The following JAKMIP2 variants were observed in gnomAD, a reference collection of about 807,000 sequenced individuals.
The protein encoded by JAKMIP2 is janus kinase and microtubule interacting protein 2.
In JAKMIP2, 25 loss-of-function variants were observed where a neutral mutation model predicts 115.0. The observed-to-expected ratio is 0.22, with a 90% CI of 0.16 to 0.30. The LOEUF (loss-of-function observed/expected upper bound fraction) is 0.30, where lower values mean the gene tolerates loss of function less well. Ranked by LOEUF, JAKMIP2 falls within the 10% of genes least tolerant of loss-of-function variation. The probability of loss-of-function intolerance (pLI) is 1.00; values close to 1 mark genes in which losing one functional copy is unlikely to be tolerated. For missense variants in JAKMIP2, 642 were observed against 957.6 expected, an observed-to-expected ratio of 0.67 and a Z score of 4.35; for synonymous variants, 334 against 343.6, an observed-to-expected ratio of 0.97 and a Z score of 0.31.
Position 147,670,957 on chromosome 5 carries a change from C to T in JAKMIP2, c.129+721G>A, listed in dbSNP as rs79791402. 7.4e-3 allele frequency among the ~76,000 whole-genome samples: 1,121 copies of T among 152,196 alleles called. 49 individuals are homozygous for T. The East Asian group carries it at 0.13, about 17-fold the overall frequency. On this transcript the variant is annotated intron_variant, in intron 2 of 21. Transcript: ENST00000616793. ...AATGTATGAATTACTATGAAATAAG[C>T]TAAGAATAGGCTATGGGGAGTACCT...
intron 17 of JAKMIP2, 61 bp from the exon 18 acceptor site, chr5:147,620,804 G>T: frequency 8.7e-7 from 1 of 1,151,614 alleles, no homozygotes; most frequent in African/African-American, 1.5e-5. Context: ...ACGTACAAAT[G>T]GTATTGATTA....
intron 1 of JAKMIP2, among the ~76,000 whole-genome samples, chr5:147,692,500 T>C (rs910185750): frequency 2.6e-5 from 4 of 152,248 alleles, no homozygotes; most frequent in Admixed American, 1.3e-4. Flanking sequence ...GTTTTCACAA[T>C]ATCAGCTATT....
rs909293955 is a variant in JAKMIP2, at chr5:147,589,859, G to A, written c.*1848C>T. 1.3e-5 allele frequency: 2 copies of A among 152,122 alleles called. No individual in the cohort carries two copies. Among genetic ancestry groups the A allele is most frequent in the African/African-American group, 4.8e-5 (2 of 41,432 alleles). 9.4% of individuals were successfully genotyped at this position (152,122 alleles called of 1,614,324 possible). On this transcript the variant is annotated 3_prime_UTR_variant, in exon 22 of 22. Transcript: ENST00000616793. Reference sequence around the variant, plus strand: ...TGAAGCACTATTTTATTACATGAGGGAATCTTTTTGTCAACAACACAAGAA... The same window carrying A: ...TGAAGCACTATTTTATTACATGAGGAAATCTTTTTGTCAACAACACAAGAA...
chr5:147,734,147 TG>T (rs1561566592), intron 1 of JAKMIP2, among the ~76,000 whole-genome samples: 1 of 151,872 alleles, frequency 6.6e-6, no homozygotes, highest in African/African-American at 2.4e-5. Context: ...AATAAACATA[TG>T]AAAAAAAGCT....
At chr5:147,776,288 T>C (rs1755553090) in intron 1 of JAKMIP2, among the ~76,000 whole-genome samples, 1 of 152,146 alleles carries the variant, frequency 6.6e-6, no homozygotes, top group South Asian at 2.1e-4. Flanking sequence ...TAATTGGACC[T>C]TGGGGGTGGC....
chr5:147,685,723 A>T (rs1222636329), intron 1 of JAKMIP2, among the ~76,000 whole-genome samples: 1 of 152,214 alleles, frequency 6.6e-6, no homozygotes, highest in East Asian at 1.9e-4. Context: ...CTTCAACATA[A>T]TGTGATGTAA....
In JAKMIP2 at chr5:147,630,595, A is replaced by G. The variant is rs115279474; in HGVS notation, c.1875+818T>C. On this transcript the variant is annotated intron_variant, in intron 14 of 21. Coordinates refer to ENST00000616793, the MANE Select transcript of JAKMIP2 (RefSeq NM_001270941.2). ...ATGTTCTCCTCTTTCTCATGTTCAA[A>G]CAGCAGTATAGTAGAGCCCTACCAC... Among the ~76,000 whole-genome samples the G allele has an allele frequency of 6.2e-3, 949 of 152,226 alleles. 11 individuals carry two copies. The highest frequency in any genetic ancestry group is 0.022 in the African/African-American group (913 of 41,546).
chr5:147,664,064 A>C (rs1240107431), intron 2 of JAKMIP2, among the ~76,000 whole-genome samples: 1 of 152,222 alleles, frequency 6.6e-6, no homozygotes, highest in Non-Finnish European at 1.5e-5. Context: ...GTTTTGGATA[A>C]ATTATTCTAA....
chr5:147,710,426 G>A (rs2126909863), intron 1 of JAKMIP2, among the ~76,000 whole-genome samples: 1 of 152,290 alleles, frequency 6.6e-6, no homozygotes, highest in African/African-American at 2.4e-5. Context: ...ACAGCAAAAT[G>A]TCAGGGAGAA....
Position 147,650,542 on chromosome 5 carries a change from A to G in JAKMIP2, c.633T>C (p.Asp211=). Residue 211 remains aspartate (D), a synonymous_variant, in exon 4 of 22, where the codon GAT becomes GAC. Transcript: ENST00000616793. ...ESERDIRRLM[D]EIKAKDRIIF... ...TGATCCTGTCCTTGGCTTTGATTTC[A>G]TCCATCTGAATTAAATGAGACCCAG... The G allele has an allele frequency of 6.2e-7, 1 of 1,611,100 alleles. No individual in the cohort carries two copies. The highest frequency in any genetic ancestry group is 8.5e-7 in the Non-Finnish European group (1 of 1,178,130).
intron 1 of JAKMIP2, among the ~76,000 whole-genome samples, chr5:147,705,679 G>A (rs2126898104): frequency 6.6e-6 from 1 of 152,262 alleles, no homozygotes; most frequent in Non-Finnish European, 1.5e-5. Flanking sequence ...GTTACTTCCA[G>A]GGCAGAAGTG....
intron 21 of JAKMIP2, chr5:147,595,290 A>G: frequency 3.0e-6 from 1 of 331,434 alleles, no homozygotes; most frequent in South Asian, 2.4e-5. Flanking sequence ...GTGCAAGAGT[A>G]TTAACAGGTG....
At chr5:147,594,885 T>G (rs1755289845) in intron 21 of JAKMIP2, among the ~76,000 whole-genome samples, 1 of 152,132 alleles carries the variant, frequency 6.6e-6, no homozygotes, top group African/African-American at 2.4e-5. Context: ...ATAAAAATCC[T>G]GGTAGGGAAG....
chr5:147,756,903 G>C (rs1754763851), intron 1 of JAKMIP2, among the ~76,000 whole-genome samples: 1 of 152,162 alleles, frequency 6.6e-6, no homozygotes, highest in African/African-American at 2.4e-5. Context: ...TCTGTGTTCT[G>C]TAAACTGTGC....
chr5:147,602,865 G>A (rs1324239942), intron 20 of JAKMIP2, among the ~76,000 whole-genome samples: 2 of 152,144 alleles, frequency 1.3e-5, no homozygotes, highest in African/African-American at 4.8e-5. Context: ...TGCTTATAAG[G>A]TTCTTGCTTC....
At chr5:147,631,697 GAGA>G (rs1389194082) in intron 13 of JAKMIP2, among the ~76,000 whole-genome samples, 186 bp from the exon 14 acceptor site, 3 of 152,186 alleles carry the variant, frequency 2.0e-5, no homozygotes, top group African/African-American at 4.8e-5. Context: ...CTAAGAGATT[GAGA>G]AGAAGAATTT....
At chr5:147,653,001 T>A (rs1758483335) in intron 3 of JAKMIP2, among the ~76,000 whole-genome samples, 1 of 152,152 alleles carries the variant, frequency 6.6e-6, no homozygotes, top group African/African-American at 2.4e-5. Flanking sequence ...GATGATGGCT[T>A]CCAGCTTCAT....
chr5:147,741,004 C>T (rs749908593), intron 1 of JAKMIP2, among the ~76,000 whole-genome samples: 2 of 152,130 alleles, frequency 1.3e-5, no homozygotes, highest in African/African-American at 2.4e-5. Context: ...ACTATCGCCT[C>T]ATATCATATT....
In JAKMIP2 at chr5:147,612,365, G is replaced by A. The variant is rs1381603155; in HGVS notation, c.2353C>T (p.Arg785Cys). 2.6e-6 allele frequency: 4 copies of A among 1,547,508 alleles called. No individual in the cohort carries two copies. The highest frequency in any genetic ancestry group is 3.5e-6 in the Non-Finnish European group (4 of 1,129,644). Residue 785 changes from arginine (R) to cysteine (C), a missense_variant, in exon 20 of 22, where the codon CGT (arginine) becomes TGT (cysteine). Transcript: ENST00000616793. ...ATGTCTGTTTTATCTTCTAAGTCAC[G>A]AATTCTCTGAAGAAAGAAAAGAAAA... is the stretch of plus-strand genomic sequence containing the variant. ...ELLQQAHQRI[R>C]DLEDKTDIQK...
Sources: gnomAD v4.1 joint callset for allele counts (sites outside exome capture counted in the v4.1 genomes callset) on GRCh38, gnomAD v4.1.1 for gene constraint, MANE v1.5 for transcripts, NCBI Gene and HGNC (gene_info 2026-07-23, HGNC 2026-07-21) for gene names.